The following PRAG1 variants were observed in gnomAD, a reference collection of about 807,000 sequenced individuals.
PRAG1 encodes the protein PEAK1 related, kinase-activating pseudokinase 1.
Under a neutral mutation model 95.6 loss-of-function variants are expected in PRAG1, and 110 were observed. That is an observed-to-expected ratio of 1.15 (90% CI 0.99 to 1.35). PRAG1 has a LOEUF of 1.35. Ranked by LOEUF, PRAG1 falls within the 40% of genes most tolerant of loss-of-function variation. The pLI is 0.00. For synonymous variants in PRAG1, 1,052 were observed against 819.4 expected (o/e 1.28, Z -4.85); for missense variants, 2,554 against 1,864.7 (o/e 1.37, Z -6.81).
At chr8:8,369,899 G>A (rs1392698822) in intron 3 of PRAG1, among the ~76,000 whole-genome samples, 1 of 152,018 alleles carries the variant, frequency 6.6e-6, no homozygotes, top group East Asian at 1.9e-4. Flanking sequence ...CAAAGCAGGG[G>A]TCAAGCTTTG....
chr8:8,364,477 T>C (rs980449882), intron 3 of PRAG1, among the ~76,000 whole-genome samples: 2 of 152,184 alleles, frequency 1.3e-5, no homozygotes, highest in African/African-American at 4.8e-5. Flanking sequence ...GCATCCTCAG[T>C]TCAACAGAAA....
chr8:8,347,995 C>G (rs1395334235), intron 3 of PRAG1, among the ~76,000 whole-genome samples: 1 of 152,070 alleles, frequency 6.6e-6, no homozygotes, highest in Non-Finnish European at 1.5e-5. Flanking sequence ...TGGCTCACTA[C>G]AACCTCTGCC....
chr8:8,330,499 G>A (rs1798786720), intron 4 of PRAG1, among the ~76,000 whole-genome samples: 3 of 152,186 alleles, frequency 2.0e-5, no homozygotes, highest in Admixed American at 2.0e-4. Flanking sequence ...ATTTGCTAAT[G>A]ATAGGCGGGG....
At chr8:8,329,270 A>C (rs761143726) in intron 4 of PRAG1, among the ~76,000 whole-genome samples, 3 of 151,982 alleles carry the variant, frequency 2.0e-5, no homozygotes, top group Non-Finnish European at 4.4e-5. Flanking sequence ...GTGCGTGCCT[A>C]TAATCCCAGC....
Position 8,382,013 on chromosome 8 carries a change from G to T in PRAG1, c.-87-179C>A, listed in dbSNP as rs978736026. ...CAAGGCTCTTAAACATTCTCTGGTG[G>T]TGTGGCCTTATCAGAAGCTGTAAAA... On this transcript the variant is annotated intron_variant, in intron 1 of 5. Coordinates refer to ENST00000615670, the MANE Select transcript of PRAG1 (RefSeq NM_001080826.3). Among the ~76,000 whole-genome samples the T allele has an allele frequency of 2.6e-5, 4 of 152,188 alleles. No homozygotes were observed. In the East Asian group the frequency reaches 7.7e-4, roughly 29 times the overall value.
At chr8:8,380,890 A>G (rs1410434234) in intron 2 of PRAG1, among the ~76,000 whole-genome samples, 1 of 151,222 alleles carries the variant, frequency 6.6e-6, no homozygotes, top group African/African-American at 2.4e-5. Context: ...TAAGTGTGAT[A>G]ATGGTATTGT....
In PRAG1 at chr8:8,377,333, G is replaced by A. The variant is rs764316831; in HGVS notation, c.1076C>T (p.Pro359Leu). 5 of 1,606,004 alleles carry A rather than the reference G, an allele frequency of 3.1e-6. No individual in the cohort carries two copies. In the Admixed American group the frequency reaches 6.8e-5, roughly 22 times the overall value. ...GGAGCAGTAATCACTCTCGAGGTGG[G>A]GGACGAAGGGGCTACTGGCGCCGCT... Reference protein sequence around the residue: ...SGSGASSPFVPHLESDYCSLM... With the variant: ...SGSGASSPFVLHLESDYCSLM... Residue 359 changes from proline to leucine, a missense_variant, in exon 3 of 6, where the codon CCC becomes CTC. Coordinates refer to ENST00000615670, the MANE Select transcript of PRAG1 (RefSeq NM_001080826.3).
intron 3 of PRAG1, chr8:8,374,683 A>G (rs568159466): frequency 1.0e-6 from 1 of 985,440 alleles, no homozygotes; most frequent in East Asian, 1.1e-4. Flanking sequence ...TTCGGGGACT[A>G]CACGCGGCTG....
At chr8:8,362,214 C>T in intron 3 of PRAG1, among the ~76,000 whole-genome samples, 1 of 152,198 alleles carries the variant, frequency 6.6e-6, no homozygotes, top group South Asian at 2.1e-4. Flanking sequence ...TCAGGATCTG[C>T]CCTAAGCTGT....
intron 5 of PRAG1, 50 bp downstream of exon 5, chr8:8,327,660 C>T: frequency 6.4e-7 from 1 of 1,567,860 alleles, no homozygotes; most frequent in Non-Finnish European, 8.7e-7. Context: ...TCTGCCCAAG[C>T]CAGCACCAGC....
chr8:8,329,518 C>A lies in PRAG1; in HGVS notation c.2321-1057G>T, dbSNP rs530504872. On this transcript the variant is annotated intron_variant, in intron 4 of 5. Transcript: ENST00000615670. The stretch of plus-strand genomic sequence containing the variant: ...TGGAGTGTCTCTATGCCTTTCCACA[C>A]CTTGGCAGTAGGACCAGAAAACAAC... Among the ~76,000 whole-genome samples the A allele has an allele frequency of 2.6e-3, 401 of 152,152 alleles. 2 individuals are homozygous for A. The highest frequency in any genetic ancestry group is 9.3e-3 in the African/African-American group (386 of 41,480).
chr8:8,363,707 G>A (rs1799917392), intron 3 of PRAG1, among the ~76,000 whole-genome samples: 1 of 152,040 alleles, frequency 6.6e-6, no homozygotes, highest in Non-Finnish European at 1.5e-5. Context: ...TGAATTTTAT[G>A]TTATATGTAA....
intron 3 of PRAG1, among the ~76,000 whole-genome samples, chr8:8,346,418 G>T (rs892360108): frequency 6.6e-6 from 1 of 152,206 alleles, no homozygotes; most frequent in Non-Finnish European, 1.5e-5. Context: ...GTCCAGGCAG[G>T]CAGGGTGAAA....
Position 8,377,042 on chromosome 8 carries a change from G to A in PRAG1, c.1367C>T (p.Ala456Val). The A allele has an allele frequency of 6.2e-7, 1 of 1,613,998 alleles. No individual in the cohort carries two copies. The highest frequency in any genetic ancestry group is 8.5e-7 in the Non-Finnish European group (1 of 1,180,032). Residue 456 changes from alanine to valine, a missense_variant, in exon 3 of 6, where the codon GCA (alanine) becomes GTA (valine). Transcript: ENST00000615670. ...TGGGCTGTCCCGGCCCCAGCCAGAT[G>A]CTGCTTTCTGGGCCCAGGCATTACC... ...CTGNAWAQKA[A>V]SGWGRDSPDP...
chr8:8,383,970 C>T (rs1313067762), intron 1 of PRAG1, among the ~76,000 whole-genome samples: 1 of 152,190 alleles, frequency 6.6e-6, no homozygotes, highest in Non-Finnish European at 1.5e-5. Context: ...AGACTGTCTA[C>T]ACCTTCTAGG....
intron 5 of PRAG1, among the ~76,000 whole-genome samples, chr8:8,321,122 T>C (rs908694429): frequency 8.5e-5 from 13 of 152,270 alleles, no homozygotes; most frequent in African/African-American, 3.1e-4. Flanking sequence ...TTTTACTTTT[T>C]GAGACAGGCT....
chr8:8,347,538 A>T (rs1245909588), intron 3 of PRAG1, among the ~76,000 whole-genome samples: 1 of 152,134 alleles, frequency 6.6e-6, no homozygotes, highest in African/African-American at 2.4e-5. Flanking sequence ...CCACTTACTA[A>T]AGTCAAAATC....
At chr8:8,331,896 G>C (rs1264504199) in intron 4 of PRAG1, among the ~76,000 whole-genome samples, 1 of 152,218 alleles carries the variant, frequency 6.6e-6, no homozygotes, top group African/African-American at 2.4e-5. Context: ...TATTAGCAGA[G>C]AAGCTTAACT....
chr8:8,337,000 T>C (rs779871087), intron 4 of PRAG1, among the ~76,000 whole-genome samples: 25 of 149,210 alleles, frequency 1.7e-4, no homozygotes, highest in Non-Finnish European at 2.8e-4. Context: ...CAAACTACTA[T>C]CATGATATGC....
Sources: allele counts gnomAD v4.1 joint callset (sites outside exome capture counted in the v4.1 genomes callset), GRCh38; gene constraint gnomAD v4.1.1; transcripts MANE v1.5; gene names NCBI Gene and HGNC (gene_info 2026-07-23, HGNC 2026-07-21).